KCNK10: variants seen among roughly 807,000 people sequenced by gnomAD.
The protein encoded by KCNK10 is potassium channel subfamily K member 10.
In KCNK10, 25 loss-of-function variants were observed where a neutral mutation model predicts 47.7. That is an observed-to-expected ratio of 0.52 (90% CI 0.38 to 0.73). KCNK10 has a LOEUF of 0.73. Ranked by LOEUF, KCNK10 falls within the 30% of genes least tolerant of loss-of-function variation. The probability of loss-of-function intolerance (pLI) is 0.00; values close to 1 mark genes in which losing one functional copy is unlikely to be tolerated. For missense variants in KCNK10, 563 were observed against 714.5 expected (o/e 0.79, Z 2.42); for synonymous variants, 303 against 285.6 (o/e 1.06, Z -0.61).
chr14:88,255,230 A>C (rs899223650), intron 2 of KCNK10, among the ~76,000 whole-genome samples: 33 of 152,150 alleles, frequency 2.2e-4, no homozygotes, highest in African/African-American at 7.2e-4. Flanking sequence ...GGGGATACTC[A>C]CCATTGATGC....
intron 1 of KCNK10, among the ~76,000 whole-genome samples, chr14:88,309,637 A>C (rs1336492412): frequency 6.6e-6 from 1 of 152,130 alleles, no homozygotes; most frequent in Non-Finnish European, 1.5e-5. Context: ...AATTAATAAA[A>C]GGCCCCAACA....
chr14:88,208,995 A>C (rs550123916), intron 4 of KCNK10, among the ~76,000 whole-genome samples: 1 of 152,320 alleles, frequency 6.6e-6, no homozygotes, highest in South Asian at 2.1e-4. Flanking sequence ...GATGTTGTTC[A>C]TGGTGAAATT....
chr14:88,210,460 A>C (rs1885418469), intron 4 of KCNK10, among the ~76,000 whole-genome samples: 1 of 152,278 alleles, frequency 6.6e-6, no homozygotes, highest in East Asian at 1.9e-4. Flanking sequence ...GCCACAGTGA[A>C]GAACAGAAAA....
chr14:88,286,780 C>T (rs1887771288), intron 1 of KCNK10, among the ~76,000 whole-genome samples: 1 of 152,146 alleles, frequency 6.6e-6, no homozygotes, highest in African/African-American at 2.4e-5. Context: ...ACCACGAGAA[C>T]AGTATGGGGG....
At chr14:88,187,161 G>A (rs1884592134) in intron 6 of KCNK10, among the ~76,000 whole-genome samples, 1 of 152,144 alleles carries the variant, frequency 6.6e-6, no homozygotes, top group African/African-American at 2.4e-5. Context: ...TATGGGCCCA[G>A]GAAACTGATG....
chr14:88,245,879 A>T (rs1359058751), intron 2 of KCNK10, among the ~76,000 whole-genome samples: 1 of 152,184 alleles, frequency 6.6e-6, no homozygotes, highest in African/African-American at 2.4e-5. Flanking sequence ...GCAACCCAGG[A>T]TGTATGGTCA....
In KCNK10 at chr14:88,185,500, C is replaced by CAT. The variant is rs1884514234; in HGVS notation, c.*34_*35insAT. ...TATTAAAAACACACACACACACACACACAACGCTCAGTCCAAGACCAATGT... is the reference window on the plus strand; with the variant it reads ...TATTAAAAACACACACACACACACACATACAACGCTCAGTCCAAGACCAATGT... On this transcript the variant is annotated 3_prime_UTR_variant, in exon 7 of 7. Transcript: ENST00000319231. This position sits in a 1 kb window ranked among gnomAD's most constrained non-coding sequence, Gnocchi z 4.3. The CAT allele has an allele frequency of 6.3e-7, 1 of 1,589,650 alleles. No homozygotes were observed. The highest frequency in any genetic ancestry group is 8.6e-7 in the Non-Finnish European group (1 of 1,166,356).
chr14:88,295,742 A>G (rs1887972955), intron 1 of KCNK10, among the ~76,000 whole-genome samples: 1 of 152,190 alleles, frequency 6.6e-6, no homozygotes, highest in Non-Finnish European at 1.5e-5. Flanking sequence ...AAAGGAATTC[A>G]TTGACAGGAG....
At chr14:88,234,010 C>T (rs1246094435) in intron 3 of KCNK10, among the ~76,000 whole-genome samples, 2 of 152,176 alleles carry the variant, frequency 1.3e-5, no homozygotes, top group Non-Finnish European at 2.9e-5. Flanking sequence ...TACAATAGAT[C>T]CTCCTACAAT....
chr14:88,201,457 C>T (rs1293388288), intron 4 of KCNK10, among the ~76,000 whole-genome samples: 1 of 152,020 alleles, frequency 6.6e-6, no homozygotes, highest in Non-Finnish European at 1.5e-5. Context: ...GTCAGGAGTT[C>T]GAGACCAGCC....
chr14:88,262,944 A>C (rs930363058), intron 2 of KCNK10, among the ~76,000 whole-genome samples: 1 of 152,184 alleles, frequency 6.6e-6, no homozygotes, highest in African/African-American at 2.4e-5. Flanking sequence ...TTGAAAATCC[A>C]AAGTCCATTG....
chr14:88,184,128 C>A lies in KCNK10; in HGVS notation c.*1407G>T, dbSNP rs534969309. ...AAACCCATTTAAAATCATCATGCAACCTATGACTAGCCATTCCCCGACTTT... is the reference window on the plus strand; with the variant it reads ...AAACCCATTTAAAATCATCATGCAAACTATGACTAGCCATTCCCCGACTTT... On this transcript the variant is annotated 3_prime_UTR_variant, in exon 7 of 7. Transcript: ENST00000319231. 3.3e-5 allele frequency: 5 copies of A among 152,414 alleles called. No individual in the cohort carries two copies. In the East Asian group the frequency reaches 9.4e-4, roughly 29 times the overall value. The allele number at this position is 152,414 out of a possible 1,614,324, so 9.4% of individuals were successfully genotyped here.
At chr14:88,268,265 T>G (rs1274247526) in intron 1 of KCNK10, among the ~76,000 whole-genome samples, 1 of 152,224 alleles carries the variant, frequency 6.6e-6, no homozygotes, top group Non-Finnish European at 1.5e-5. Flanking sequence ...GTATCCTTGC[T>G]GCGCACAGAC....
At chr14:88,273,391 C>T (rs1301848043) in intron 1 of KCNK10, among the ~76,000 whole-genome samples, 7 of 152,178 alleles carry the variant, frequency 4.6e-5, no homozygotes, top group Non-Finnish European at 8.8e-5. Flanking sequence ...CAGCATTTTG[C>T]TGTTTTTACC....
intron 5 of KCNK10, 100 bp from the exon 6 acceptor site, chr14:88,188,209 T>C (rs1884635751): frequency 7.3e-7 from 1 of 1,373,764 alleles, no homozygotes; most frequent in Admixed American, 1.7e-5. Context: ...TCCATCATTG[T>C]TTAACACTCA....
At chr14:88,321,479 A>G (rs1042682148) in intron 1 of KCNK10, among the ~76,000 whole-genome samples, 1 of 152,198 alleles carries the variant, frequency 6.6e-6, no homozygotes, top group Non-Finnish European at 1.5e-5. Flanking sequence ...GTATCTCCAG[A>G]GCTTAGGACA....
intron 3 of KCNK10, among the ~76,000 whole-genome samples, chr14:88,228,084 G>A (rs750275904): frequency 2.6e-5 from 4 of 152,146 alleles, no homozygotes. Flanking sequence ...AAAGAATAGG[G>A]AAGGGAAGGC....
At chr14:88,326,364 C>T (rs1417048337), upstream of KCNK10, 2 of 1,512,392 alleles carry the variant, frequency 1.3e-6, no homozygotes, top group Non-Finnish European at 1.8e-6. Flanking sequence ...CTGCAATCCC[C>T]CTCCATCCCC....
intron 1 of KCNK10, among the ~76,000 whole-genome samples, chr14:88,299,017 T>C (rs1888042895): frequency 6.6e-6 from 1 of 152,166 alleles, no homozygotes; most frequent in African/African-American, 2.4e-5. Context: ...ACACATCTTC[T>C]AGGAAGCCTT....
Sources: gnomAD v4.1 joint callset for allele counts (sites outside exome capture counted in the v4.1 genomes callset) on GRCh38, gnomAD v4.1.1 for gene constraint, Gnocchi (gnomAD v3.1) non-coding constraint, MANE v1.5 for transcripts, NCBI Gene and HGNC (gene_info 2026-07-23, HGNC 2026-07-21) for gene names.